The following TMTC2 variants were observed in gnomAD, a reference collection of about 807,000 sequenced individuals.
TMTC2 encodes protein O-mannosyl-transferase TMTC2.
In TMTC2, 43 loss-of-function variants were observed where a neutral mutation model predicts 82.4. The ratio of observed to expected loss-of-function variants is 0.52; its 90% confidence interval spans 0.41 to 0.67. The LOEUF is 0.67. Among genes scored for constraint, TMTC2 ranks in the 30% least tolerant of loss-of-function variants. The pLI is 0.00. For synonymous variants in TMTC2, 408 were observed against 381.9 expected (o/e 1.07, Z -0.80); for missense variants, 919 against 1,012.4 (o/e 0.91, Z 1.25).
At chr12:82,892,509 GT>G (rs144185985) in intron 2 of TMTC2, among the ~76,000 whole-genome samples, 6,834 of 152,202 alleles carry the variant, frequency 0.045, 552 homozygotes, top group African/African-American at 0.16. Flanking sequence ...GAATAAAGTA[GT>G]TTTGCCTTGT....
At chr12:83,039,163 C>G (rs1231125501) in intron 9 of TMTC2, among the ~76,000 whole-genome samples, 1 of 152,056 alleles carries the variant, frequency 6.6e-6, no homozygotes, top group Non-Finnish European at 1.5e-5. Context: ...GAACTCCTGA[C>G]CTCAGGTGAT....
chr12:83,033,310 G>A (rs1881516905), intron 9 of TMTC2, among the ~76,000 whole-genome samples: 1 of 152,080 alleles, frequency 6.6e-6, no homozygotes, highest in Non-Finnish European at 1.5e-5. Flanking sequence ...TTTTAGAACT[G>A]GAACTGTAAA....
intron 1 of TMTC2, among the ~76,000 whole-genome samples, chr12:82,712,369 G>T (rs1873668373): frequency 6.8e-6 from 1 of 147,370 alleles, no homozygotes; most frequent in African/African-American, 2.5e-5. Context: ...GGTGGAGGTT[G>T]CAGTGAGCCA....
At chr12:83,055,970 G>C (rs1408225056) in intron 10 of TMTC2, among the ~76,000 whole-genome samples, 1 of 151,874 alleles carries the variant, frequency 6.6e-6, no homozygotes, top group East Asian at 1.9e-4. Flanking sequence ...AAGGCTTAAT[G>C]TAGTATGATA....
In TMTC2 at chr12:82,926,334, A is replaced by C. The variant is rs151163750; in HGVS notation, c.1484-4097A>C. Among the ~76,000 whole-genome samples, 66 of 152,348 alleles carry C rather than the reference A, an allele frequency of 4.3e-4. 1 individual carries two copies. Among genetic ancestry groups the C allele is most frequent in the Non-Finnish European group, 7.1e-4 (48 of 68,034 alleles). On this transcript the variant is annotated intron_variant, in intron 3 of 11. Transcript: ENST00000321196. ...ATCAAACCAGCCATAACATTCCATT[A>C]GGCCAAAACCTAACCCAGAACAAGT...
chr12:82,823,373 C>A (rs1009282271), intron 1 of TMTC2, among the ~76,000 whole-genome samples: 5 of 152,028 alleles, frequency 3.3e-5, no homozygotes, highest in African/African-American at 1.2e-4. Context: ...ACAAAATGGC[C>A]CCAGACTGTT....
chr12:83,009,063 G>C (rs1565850714), intron 8 of TMTC2, among the ~76,000 whole-genome samples: 3 of 152,176 alleles, frequency 2.0e-5, no homozygotes, highest in Admixed American at 6.5e-5. Context: ...ACCTTCATGA[G>C]TTATTCTACT....
chr12:83,013,169 A>G (rs1041412641), intron 8 of TMTC2, among the ~76,000 whole-genome samples: 1 of 152,122 alleles, frequency 6.6e-6, no homozygotes, highest in Non-Finnish European at 1.5e-5. Context: ...ACTGTAGTAA[A>G]AGACATTTGA....
chr12:82,946,940 C>T (rs775689128), intron 4 of TMTC2, among the ~76,000 whole-genome samples: 7 of 151,918 alleles, frequency 4.6e-5, no homozygotes, highest in Non-Finnish European at 8.8e-5. Context: ...GACGGGGTTT[C>T]GCAGTGTTAG....
chr12:82,838,721 G>T (rs1870179442), intron 1 of TMTC2, among the ~76,000 whole-genome samples: 1 of 151,594 alleles, frequency 6.6e-6, no homozygotes, highest in South Asian at 2.1e-4. Flanking sequence ...CCCTCTAGGG[G>T]CTTTATTTTC....
At chr12:82,927,439 G>A (rs1875783911) in intron 3 of TMTC2, among the ~76,000 whole-genome samples, 1 of 152,292 alleles carries the variant, frequency 6.6e-6, no homozygotes, top group East Asian at 1.9e-4. Context: ...AAAGAAAGTG[G>A]TTTCTTGAGG....
In TMTC2 at chr12:82,792,454, TTTTG is replaced by T. The variant is rs575571353; in HGVS notation, c.84-64532_84-64529del. Among the ~76,000 whole-genome samples the T allele has an allele frequency of 1.1e-3, 171 of 151,876 alleles. 3 individuals carry two copies. Among genetic ancestry groups the T allele is most frequent in the East Asian group, 7.4e-3 (38 of 5,142 alleles). On this transcript the variant is annotated intron_variant, in intron 1 of 11. Coordinates refer to ENST00000321196, the MANE Select transcript of TMTC2 (RefSeq NM_152588.3). ...ATTCCCTCTCCTCTCCTCAATGGTT[TTTTG>T]TTTGTTTGTTTGTTTGTTTGTTTAA...
chr12:82,933,123 A>G (rs1592637488), intron 4 of TMTC2, among the ~76,000 whole-genome samples: 1 of 152,302 alleles, frequency 6.6e-6, no homozygotes, highest in East Asian at 1.9e-4. Flanking sequence ...TTTTTTACTA[A>G]TATGATGGGT....
At chr12:83,045,135 A>T (rs1882038741) in intron 9 of TMTC2, among the ~76,000 whole-genome samples, 1 of 152,066 alleles carries the variant, frequency 6.6e-6, no homozygotes, top group Non-Finnish European at 1.5e-5. Flanking sequence ...AATACAAAAC[A>T]ATTGCTCTTT....
At chr12:82,966,092 C>T in intron 6 of TMTC2, 1 of 263,072 alleles carries the variant, frequency 3.8e-6, no homozygotes, top group East Asian at 6.6e-5. Context: ...GTTTGATGAC[C>T]CAAGACACAG....
chr12:82,754,689 A>G (rs1165668998), intron 1 of TMTC2, among the ~76,000 whole-genome samples: 2 of 152,128 alleles, frequency 1.3e-5, no homozygotes, highest in African/African-American at 4.8e-5. Flanking sequence ...GTGAGCTGAT[A>G]TTGTGTCACT....
At chr12:82,893,551 G>A (rs543267526) in intron 2 of TMTC2, among the ~76,000 whole-genome samples, 334 of 152,170 alleles carry the variant, frequency 2.2e-3, no homozygotes, top group African/African-American at 7.7e-3. Flanking sequence ...TATTGTATCT[G>A]ATATTAATGA....
At chr12:82,815,210 T>C (rs1592543988) in intron 1 of TMTC2, among the ~76,000 whole-genome samples, 2 of 151,506 alleles carry the variant, frequency 1.3e-5, no homozygotes, top group Non-Finnish European at 2.9e-5. Context: ...TGGCCCAGGC[T>C]GGATGGAGTG....
At chr12:83,068,529 C>T (rs904640102) in intron 11 of TMTC2, among the ~76,000 whole-genome samples, 1 of 152,020 alleles carries the variant, frequency 6.6e-6, no homozygotes, top group African/African-American at 2.4e-5. Context: ...TTTCCACAAG[C>T]TTCTGTGATG....
Sources: allele counts gnomAD v4.1 joint callset (sites outside exome capture counted in the v4.1 genomes callset), GRCh38; gene constraint gnomAD v4.1.1; transcripts MANE v1.5; gene names NCBI Gene and HGNC (gene_info 2026-07-23, HGNC 2026-07-21).